GRIK1: variants seen among roughly 807,000 people sequenced by gnomAD.
The protein encoded by GRIK1 is glutamate receptor ionotropic, kainate 1.
GRIK1 carries 69 observed loss-of-function variants against 105.7 expected under a neutral mutation model. The observed-to-expected ratio is 0.65, with a 90% CI of 0.54 to 0.80. GRIK1 has a LOEUF of 0.80. Ranked by LOEUF, GRIK1 falls within the 30% of genes least tolerant of loss-of-function variation. The probability of loss-of-function intolerance (pLI) is 0.00; values close to 1 mark genes in which losing one functional copy is unlikely to be tolerated. For missense variants in GRIK1, 1,109 were observed against 1,167.3 expected, an observed-to-expected ratio of 0.95 and a Z score of 0.73; for synonymous variants, 438 against 431.3, an observed-to-expected ratio of 1.02 and a Z score of -0.19.
intron 1 of GRIK1, among the ~76,000 whole-genome samples, chr21:29,774,179 ATTGGTTTC>A (rs2065884119): frequency 6.6e-6 from 1 of 152,074 alleles, no homozygotes; most frequent in South Asian, 2.1e-4. Flanking sequence ...CCTTATATCC[ATTGGTTTC>A]TCGGTTCATC....
intron 1 of GRIK1, among the ~76,000 whole-genome samples, chr21:29,896,413 G>C (rs1430015984): frequency 6.6e-6 from 1 of 151,902 alleles, no homozygotes; most frequent in East Asian, 1.9e-4. Context: ...ACTTATTTTT[G>C]TTTGTGTACC....
intron 1 of GRIK1, among the ~76,000 whole-genome samples, chr21:29,922,454 C>T (rs2071223533): frequency 6.6e-6 from 1 of 151,920 alleles, no homozygotes; most frequent in Admixed American, 6.6e-5. Flanking sequence ...TTCTTCATAG[C>T]CTTTAATAAT....
At chr21:29,649,065 C>G (rs1336803051) in intron 6 of GRIK1, among the ~76,000 whole-genome samples, 1 of 152,140 alleles carries the variant, frequency 6.6e-6, no homozygotes, top group East Asian at 1.9e-4. Context: ...AACGGAGGTC[C>G]TTTCGTGCCC....
intron 1 of GRIK1, among the ~76,000 whole-genome samples, chr21:29,874,736 A>C (rs910648822): frequency 1.8e-4 from 28 of 152,310 alleles, no homozygotes; most frequent in Admixed American, 1.8e-3. Flanking sequence ...GAGAAGACCC[A>C]GAACTGGGAT....
At chr21:29,609,794 T>C (rs145245297) in intron 7 of GRIK1, among the ~76,000 whole-genome samples, 217 of 152,240 alleles carry the variant, frequency 1.4e-3, no homozygotes, top group Non-Finnish European at 2.1e-3. Context: ...AGTTTGCAAA[T>C]GGCAGGTCAT....
intron 7 of GRIK1, among the ~76,000 whole-genome samples, chr21:29,612,651 T>A (rs941056967): frequency 1.3e-5 from 2 of 152,200 alleles, no homozygotes; most frequent in Non-Finnish European, 2.9e-5. Flanking sequence ...CAATCCATGA[T>A]AGAATTACTT....
chr21:29,793,316 G>A (rs1049434223), intron 1 of GRIK1, among the ~76,000 whole-genome samples: 2 of 152,182 alleles, frequency 1.3e-5, no homozygotes, highest in South Asian at 2.1e-4. Context: ...GGACAACCCC[G>A]TGCATTAATC....
intron 7 of GRIK1, among the ~76,000 whole-genome samples, chr21:29,618,941 C>A (rs1459444046): frequency 6.6e-6 from 1 of 151,428 alleles, no homozygotes; most frequent in Middle Eastern, 3.5e-3. Flanking sequence ...TCCTGGCTAA[C>A]AAGGTGAAAC....
chr21:29,555,305 G>A lies in GRIK1; in HGVS notation c.2357-3C>T. The A allele has an allele frequency of 1.2e-6, 2 of 1,611,592 alleles. No homozygotes were observed. The highest frequency in any genetic ancestry group is 8.5e-7 in the Non-Finnish European group (1 of 1,178,836). On this transcript the variant is annotated splice_region_variant and splice_polypyrimidine_tract_variant and intron_variant, in intron 15 of 17. Transcript: ENST00000327783. ...AATTTTATCCCGGTAAGGAGAACCT[G>A]GAAGTAAAACCATCTGGATATTGGT...
chr21:29,828,587 G>A (rs998430665), intron 1 of GRIK1, among the ~76,000 whole-genome samples: 1 of 151,932 alleles, frequency 6.6e-6, no homozygotes, highest in African/African-American at 2.4e-5. Context: ...TTGCATGCTT[G>A]ACCTCCTGGG....
intron 7 of GRIK1, among the ~76,000 whole-genome samples, chr21:29,607,716 T>C (rs915059161): frequency 1.3e-5 from 2 of 152,164 alleles, no homozygotes; most frequent in Non-Finnish European, 2.9e-5. Flanking sequence ...TATAGAGTTC[T>C]GATGTACTTT....
At chr21:29,798,083 G>T (rs762023734) in intron 1 of GRIK1, among the ~76,000 whole-genome samples, 9 of 152,190 alleles carry the variant, frequency 5.9e-5, no homozygotes, top group Non-Finnish European at 1.0e-4. Context: ...TACTCAACAT[G>T]ATGAGTCCTG....
At position 29,741,911 on chromosome 21, in the gene GRIK1, T is replaced by C. The variant is rs1410631974; in HGVS notation, c.119-47848A>G. Among the ~76,000 whole-genome samples the C allele has an allele frequency of 2.0e-5, 3 of 152,354 alleles. No individual in the cohort carries two copies. The East Asian group carries it at 5.8e-4, about 29-fold the overall frequency. ...TCACTAGGAAATGGACTGTTGTTAC[T>C]TGCCAGGCCTTTGCTGAGAGAAGGA... On this transcript the variant is annotated intron_variant, in intron 1 of 17. Transcript: ENST00000327783.
chr21:29,566,384 A>AT (rs1481817648), intron 14 of GRIK1, among the ~76,000 whole-genome samples: 1 of 152,124 alleles, frequency 6.6e-6, no homozygotes, highest in African/African-American at 2.4e-5. Context: ...ATCACCCAGG[A>AT]TTTTTTCTTT....
intron 1 of GRIK1, among the ~76,000 whole-genome samples, chr21:29,777,523 T>C (rs2065976400): frequency 6.6e-6 from 1 of 152,062 alleles, no homozygotes. Flanking sequence ...ATAACAGCAT[T>C]GAAAAGGCCC....
At position 29,586,227 on chromosome 21, in the gene GRIK1, A is replaced by G. The variant is rs553426380; in HGVS notation, c.1793+1139T>C. Among the ~76,000 whole-genome samples, 6 of 152,372 alleles carry G rather than the reference A, an allele frequency of 3.9e-5. No homozygotes were observed. The South Asian group carries it at 1.2e-3, about 32-fold the overall frequency. ...CTGAGCTTTGGTAAGGGTACAGTTT[A>G]TAAGGCCTAGAGAACATCAAAACAT... On this transcript the variant is annotated intron_variant, in intron 12 of 17. Transcript: ENST00000327783.
At chr21:29,841,794 C>T (rs1601828315) in intron 1 of GRIK1, among the ~76,000 whole-genome samples, 1 of 152,136 alleles carries the variant, frequency 6.6e-6, no homozygotes, top group East Asian at 1.9e-4. Context: ...CAACTGCTTT[C>T]TCTCTTTGCC....
At position 29,852,812 on chromosome 21, in the gene GRIK1, A is replaced by C. The variant is rs538937729; in HGVS notation, c.118+86571T>G. ...CACTTGTGTCAAATTACTACATTTCAAAGTTAGATTTGAAATTGCAGTAGG... is the reference window on the plus strand; with the variant it reads ...CACTTGTGTCAAATTACTACATTTCCAAGTTAGATTTGAAATTGCAGTAGG... On this transcript the variant is annotated intron_variant, in intron 1 of 17. Transcript: ENST00000327783. Among the ~76,000 whole-genome samples the C allele has an allele frequency of 4.5e-4, 68 of 152,340 alleles. 2 individuals are homozygous for C. The South Asian group carries it at 0.014, about 32-fold the overall frequency.
intron 3 of GRIK1, among the ~76,000 whole-genome samples, chr21:29,684,030 T>C (rs532445297): frequency 1.3e-5 from 2 of 152,368 alleles, no homozygotes; most frequent in East Asian, 3.9e-4. Flanking sequence ...CATAAAACTG[T>C]ATACCTCATC....
Sources: gnomAD v4.1 joint callset for allele counts (sites outside exome capture counted in the v4.1 genomes callset) on GRCh38, gnomAD v4.1.1 for gene constraint, MANE v1.5 for transcripts, NCBI Gene and HGNC (gene_info 2026-07-23, HGNC 2026-07-21) for gene names.